NALF1: variants seen among roughly 807,000 people sequenced by gnomAD.
NALF1 encodes the protein family with sequence similarity 155 member A.
Under a neutral mutation model 48.4 loss-of-function variants are expected in NALF1, and 3 were observed. The ratio of observed to expected loss-of-function variants is 0.06; its 90% CI spans 0.03 to 0.16. The LOEUF (loss-of-function observed/expected upper bound fraction) is 0.16. Among genes scored for constraint, NALF1 ranks in the 10% least tolerant of loss-of-function variants. The probability of loss-of-function intolerance (pLI) is 1.00; values close to 1 mark genes in which losing one functional copy is unlikely to be tolerated. For missense variants in NALF1, 526 were observed against 571.5 expected (o/e 0.92, Z 0.81); for synonymous variants, 262 against 245.7 (o/e 1.07, Z -0.62).
chr13:107,191,474 T>G (rs1272201210), intron 2 of NALF1, among the ~76,000 whole-genome samples: 5 of 152,120 alleles, frequency 3.3e-5, no homozygotes, highest in Non-Finnish European at 7.4e-5. Flanking sequence ...TATCTGAAAG[T>G]CTTGGAAGAC....
intron 1 of NALF1, among the ~76,000 whole-genome samples, chr13:107,451,243 C>T (rs1010172222): frequency 7.9e-5 from 12 of 152,078 alleles, no homozygotes; most frequent in South Asian, 2.1e-4. Flanking sequence ...TAGAAAGACC[C>T]GCCAGTAAGA....
intron 1 of NALF1, among the ~76,000 whole-genome samples, chr13:107,847,174 T>G (rs1383873390): frequency 6.6e-6 from 1 of 152,200 alleles, no homozygotes; most frequent in East Asian, 1.9e-4. Flanking sequence ...TAATGCCTAA[T>G]AAAATTTAAT....
intron 1 of NALF1, among the ~76,000 whole-genome samples, chr13:107,625,230 C>T (rs1371950300): frequency 6.6e-6 from 1 of 152,034 alleles, no homozygotes; most frequent in Non-Finnish European, 1.5e-5. Flanking sequence ...TTCATCTCCA[C>T]CCTCAGGCAA....
At chr13:107,337,467 C>T (rs980750264) in intron 1 of NALF1, among the ~76,000 whole-genome samples, 2 of 151,942 alleles carry the variant, frequency 1.3e-5, no homozygotes, top group Admixed American at 6.6e-5. Context: ...TTTGGGGCTC[C>T]TTATTGATTG....
chr13:107,805,589 C>A (rs1176981594), intron 1 of NALF1, among the ~76,000 whole-genome samples: 3 of 152,080 alleles, frequency 2.0e-5, no homozygotes, highest in African/African-American at 7.2e-5. Context: ...ATGACCCTTG[C>A]TTTATTCCAT....
At chr13:107,459,826 G>A (rs997472752) in intron 1 of NALF1, among the ~76,000 whole-genome samples, 1 of 151,894 alleles carries the variant, frequency 6.6e-6, no homozygotes, top group African/African-American at 2.4e-5. Context: ...CTGCAGCCTC[G>A]ACCTCCCAAG....
At chr13:107,710,236 A>G (rs770871203) in intron 1 of NALF1, among the ~76,000 whole-genome samples, 3 of 152,210 alleles carry the variant, frequency 2.0e-5, no homozygotes, top group Non-Finnish European at 4.4e-5. Context: ...TATTGCAGAC[A>G]TACCAAACCT....
chr13:107,581,108 C>T (rs9583179), intron 1 of NALF1, among the ~76,000 whole-genome samples: 46 of 152,240 alleles, frequency 3.0e-4, no homozygotes, highest in African/African-American at 1.1e-3. Flanking sequence ...AATAGAGTTA[C>T]GTCTCCTGTT....
At chr13:107,270,046 AGGCGTGAGCCACCG>A (rs1881128699) in intron 1 of NALF1, among the ~76,000 whole-genome samples, 2 of 150,152 alleles carry the variant, frequency 1.3e-5, no homozygotes, top group Non-Finnish European at 2.9e-5. Flanking sequence ...CTGGGATTAC[AGGCGTGAGCCACCG>A]CGCCTGGCCA....
At chr13:107,661,077 G>A (rs1474135792) in intron 1 of NALF1, among the ~76,000 whole-genome samples, 1 of 152,142 alleles carries the variant, frequency 6.6e-6, no homozygotes, top group Non-Finnish European at 1.5e-5. Context: ...TATCAGGAGC[G>A]GGATTGGAGC....
intron 1 of NALF1, among the ~76,000 whole-genome samples, chr13:107,585,624 A>C (rs976048777): frequency 2.0e-5 from 3 of 152,168 alleles, no homozygotes; most frequent in Admixed American, 2.0e-4. Flanking sequence ...TGGCGGCTCC[A>C]CTATGGGAAA....
rs978798243 is a variant in NALF1 at position 107,163,799 on chromosome 13, A to G, written c.*6698T>C. 2.0e-5 allele frequency: 3 copies of G among 152,220 alleles called. No individual in the cohort carries two copies. Among genetic ancestry groups the G allele is most frequent in the African/African-American group, 7.2e-5 (3 of 41,460 alleles). 9.4% of individuals were successfully genotyped at this position (152,220 alleles called of 1,614,324 possible). A position where few individuals can be genotyped will look rare whatever the true frequency, so the allele number is the denominator to read the frequency against. ...ACATCAACAAATCTAAGAAAAATAG[A>G]AATAAGGAAAATTAAGTGCAAACAT... On this transcript the variant is annotated 3_prime_UTR_variant, in exon 3 of 3. Coordinates refer to ENST00000375915, the MANE Select transcript of NALF1 (RefSeq NM_001080396.3).
At chr13:107,864,526 T>C (rs1023226091) in intron 1 of NALF1, among the ~76,000 whole-genome samples, 4 of 152,226 alleles carry the variant, frequency 2.6e-5, no homozygotes, top group African/African-American at 7.2e-5. Flanking sequence ...TGCTTGTATA[T>C]GGGATTGGGA....
At chr13:107,181,840 G>T in intron 2 of NALF1, among the ~76,000 whole-genome samples, 1 of 151,902 alleles carries the variant, frequency 6.6e-6, no homozygotes, top group East Asian at 1.9e-4. Context: ...ATTCTTTGTC[G>T]TTATAAAGTG....
intron 1 of NALF1, among the ~76,000 whole-genome samples, chr13:107,237,720 T>A (rs556819263): frequency 6.6e-6 from 1 of 152,298 alleles, no homozygotes; most frequent in South Asian, 2.1e-4. Context: ...CAACAAGATT[T>A]TCCATCCACA....
chr13:107,673,224 G>A (rs115998392), intron 1 of NALF1, among the ~76,000 whole-genome samples: 2,118 of 152,194 alleles, frequency 0.014, 48 homozygotes, highest in African/African-American at 0.049. Context: ...CTCCTCTGCT[G>A]TTAAAGGATT....
chr13:107,586,744 TA>T (rs1001445635), intron 1 of NALF1, among the ~76,000 whole-genome samples: 2 of 149,656 alleles, frequency 1.3e-5, no homozygotes, highest in African/African-American at 2.5e-5. Context: ...AAAATGCCAC[TA>T]CTTTTTGTAT....
At chr13:107,854,529 G>C (rs1273173199) in intron 1 of NALF1, among the ~76,000 whole-genome samples, 2 of 152,192 alleles carry the variant, frequency 1.3e-5, no homozygotes, top group Admixed American at 6.5e-5. Flanking sequence ...CAGCTATCTA[G>C]GGTCACTGTG....
intron 1 of NALF1, among the ~76,000 whole-genome samples, chr13:107,467,167 T>C (rs1450452680): frequency 1.3e-5 from 2 of 152,210 alleles, no homozygotes; most frequent in Non-Finnish European, 2.9e-5. Context: ...GACATTTTAA[T>C]ACATGTTGGT....
Sources: allele counts gnomAD v4.1 joint callset (sites outside exome capture counted in the v4.1 genomes callset), GRCh38; gene constraint gnomAD v4.1.1; transcripts MANE v1.5; gene names NCBI Gene and HGNC (gene_info 2026-07-23, HGNC 2026-07-21).